The following HSD17B2 variants were observed in gnomAD, a reference collection of about 807,000 sequenced individuals.
HSD17B2 encodes hydroxysteroid 17-beta dehydrogenase 2, also known as 17-beta-hydroxysteroid dehydrogenase type 2.
A neutral mutation model predicts 26.9 loss-of-function variants in HSD17B2; 32 were observed. The ratio of observed to expected loss-of-function variants is 1.19; its 90% confidence interval spans 0.90 to 1.60. HSD17B2 has a LOEUF of 1.60. HSD17B2 is among the 40% of genes most tolerant of loss of function. The probability of loss-of-function intolerance (pLI) is 0.00; values close to 1 mark genes in which losing one functional copy is unlikely to be tolerated. For missense variants in HSD17B2, 613 were observed against 468.6 expected (o/e 1.31, Z -2.85); for synonymous variants, 246 against 186.7 (o/e 1.32, Z -2.59).
At chr16:82,068,118 T>A in intron 1 of HSD17B2, 52 bp from the exon 2 acceptor site, 1 of 1,440,220 alleles carries the variant, frequency 6.9e-7, no homozygotes, top group African/African-American at 1.4e-5. Context: ...TTAAATATTT[T>A]CTCCTGTCAC....
intron 1 of HSD17B2, among the ~76,000 whole-genome samples, chr16:82,064,004 G>C (rs1482533997): frequency 6.6e-6 from 1 of 152,186 alleles, no homozygotes; most frequent in Non-Finnish European, 1.5e-5. Flanking sequence ...ATATGGGGAA[G>C]GGAGTTCTTT....
chr16:82,071,068 CG>C lies in HSD17B2; in HGVS notation c.606del (p.Leu204CysfsTer12), dbSNP rs1567587398. ...NFFGTVEVTK[T>X]FLPLLRKSKG... is the part of the protein sequence containing the mutation. ...TTTGGAACTGTGGAGGTCACAAAGA[CG>C]TTTTTGCCTCTTCTTAGAAAATCCA... On this transcript the variant is annotated frameshift_variant, in exon 3 of 5. Transcript: ENST00000199936. LOFTEE classifies it high-confidence loss of function. The C allele has an allele frequency of 1.2e-6, 2 of 1,614,112 alleles. No individual in the cohort carries two copies. Among genetic ancestry groups the C allele is most frequent in the South Asian group, 2.2e-5 (2 of 91,084 alleles).
Position 82,076,507 on chromosome 16 carries a change from A to C in HSD17B2, c.664+5380A>C, listed in dbSNP as rs1597134291. ...GAATAAACTAAAGACTCCATCAAAA[A>C]CAATTAAAACTGATAAACAAATTCA... is the stretch of plus-strand genomic sequence containing the variant. On this transcript the variant is annotated intron_variant, in intron 3 of 4. Coordinates refer to ENST00000199936, the MANE Select transcript of HSD17B2 (RefSeq NM_002153.3). 2.6e-5 allele frequency among the ~76,000 whole-genome samples: 4 copies of C among 152,372 alleles called. No homozygotes were observed. The South Asian group carries it at 8.3e-4, about 32-fold the overall frequency.
intron 3 of HSD17B2, among the ~76,000 whole-genome samples, chr16:82,076,902 G>C (rs1276026597): frequency 6.6e-6 from 1 of 152,162 alleles, no homozygotes; most frequent in African/African-American, 2.4e-5. Flanking sequence ...AGTCAAGAAA[G>C]TAATCTCATT....
At chr16:82,057,217 T>A (rs533994078) in intron 1 of HSD17B2, among the ~76,000 whole-genome samples, 220 of 151,622 alleles carry the variant, frequency 1.5e-3, no homozygotes, top group African/African-American at 5.3e-3. Context: ...TTTTTTTTTT[T>A]GAGAGAGAGT....
intron 3 of HSD17B2, among the ~76,000 whole-genome samples, chr16:82,087,352 A>C (rs1904556870): frequency 1.3e-5 from 2 of 152,250 alleles, no homozygotes; most frequent in South Asian, 4.1e-4. Context: ...CTGGACAGAC[A>C]ATGAAGGGTT....
intron 1 of HSD17B2, among the ~76,000 whole-genome samples, chr16:82,040,808 G>C (rs1053337365): frequency 2.6e-5 from 4 of 152,154 alleles, no homozygotes; most frequent in African/African-American, 4.8e-5. Context: ...AGCAGTGAAG[G>C]GTAGTTCAAG....
intron 1 of HSD17B2, among the ~76,000 whole-genome samples, chr16:82,041,750 T>G (rs7203384): frequency 0.08 from 12,227 of 152,274 alleles, 1,645 homozygotes; most frequent in African/African-American, 0.28. Context: ...AGGTAATCTC[T>G]GACTCTGTCT....
chr16:82,057,487 G>A (rs1914306320), intron 1 of HSD17B2, among the ~76,000 whole-genome samples: 1 of 152,136 alleles, frequency 6.6e-6, no homozygotes, highest in South Asian at 2.1e-4. Flanking sequence ...GTGAGCCACC[G>A]CGCCCAGCCT....
intron 4 of HSD17B2, chr16:82,093,550 G>C (rs1175913318): frequency 6.6e-6 from 1 of 152,198 alleles, no homozygotes; most frequent in East Asian, 1.9e-4. Context: ...ATGCAGCTAT[G>C]AACTTTCTGG....
chr16:82,037,631 A>C (rs1913657026), intron 1 of HSD17B2, among the ~76,000 whole-genome samples: 1 of 152,250 alleles, frequency 6.6e-6, no homozygotes. Flanking sequence ...CACATTCAAC[A>C]CAATCTTATT....
chr16:82,051,532 CAG>C (rs1276532347), intron 1 of HSD17B2, among the ~76,000 whole-genome samples: 1 of 149,428 alleles, frequency 6.7e-6, no homozygotes, highest in Non-Finnish European at 1.5e-5. Context: ...CATAGGGACA[CAG>C]AGAGAGTAAC....
chr16:82,088,349 T>C (rs1904587348), intron 3 of HSD17B2, among the ~76,000 whole-genome samples: 1 of 152,190 alleles, frequency 6.6e-6, no homozygotes, highest in Non-Finnish European at 1.5e-5. Flanking sequence ...CCAGGCACTA[T>C]TCTAATATAT....
chr16:82,036,131 G>A (rs1046649921), intron 1 of HSD17B2, among the ~76,000 whole-genome samples: 2 of 152,126 alleles, frequency 1.3e-5, no homozygotes, highest in East Asian at 1.9e-4. Context: ...GTCCCTTGCT[G>A]TTTTGAAATA....
chr16:82,097,470 G>A (rs1473296823), intron 4 of HSD17B2: 2 of 151,714 alleles, frequency 1.3e-5, no homozygotes, highest in Non-Finnish European at 2.9e-5. Context: ...CCCTTCCTGG[G>A]CCTCCCAAAG....
intron 1 of HSD17B2, among the ~76,000 whole-genome samples, chr16:82,060,912 G>A (rs1374929887): frequency 6.6e-6 from 1 of 152,188 alleles, no homozygotes; most frequent in Non-Finnish European, 1.5e-5. Flanking sequence ...TTTGGTTCCA[G>A]AAACTGGAGG....
chr16:82,060,443 C>T (rs957209303), intron 1 of HSD17B2, among the ~76,000 whole-genome samples: 4 of 152,152 alleles, frequency 2.6e-5, no homozygotes, highest in East Asian at 3.9e-4. Flanking sequence ...GGGGGAGCCC[C>T]GGAGGTCCTC....
At chr16:82,055,782 C>T (rs2143949116) in intron 1 of HSD17B2, among the ~76,000 whole-genome samples, 1 of 152,274 alleles carries the variant, frequency 6.6e-6, no homozygotes, top group East Asian at 1.9e-4. Context: ...ACCGGAAAAC[C>T]ATGCAATAGA....
chr16:82,090,313 T>TTG (rs1904650814), intron 3 of HSD17B2: 1 of 291,500 alleles, frequency 3.4e-6, no homozygotes, highest in Non-Finnish European at 4.6e-6. Flanking sequence ...TTTTTTTTTT[T>TTG]TTTTTTTTTT....
Sources: gnomAD v4.1 joint callset for allele counts (sites outside exome capture counted in the v4.1 genomes callset) on GRCh38, gnomAD v4.1.1 for gene constraint, MANE v1.5 for transcripts, NCBI Gene and HGNC (gene_info 2026-07-23, HGNC 2026-07-21) for gene names.